Variants in ANKS1B observed in about 807,000 individuals in gnomAD.
ANKS1B encodes ankyrin repeat and sterile alpha motif domain containing 1B.
ANKS1B carries 36 observed loss-of-function variants against 148.3 expected under a neutral mutation model. The observed-to-expected ratio is 0.24, with a 90% CI of 0.19 to 0.32. ANKS1B has a LOEUF of 0.32. ANKS1B is among the 10% of genes least tolerant of loss of function. The pLI is 1.00. For synonymous variants in ANKS1B, 542 were observed against 560.8 expected (o/e 0.97, Z 0.47); for missense variants, 1,157 against 1,542.6 (o/e 0.75, Z 4.19).
Position 99,391,703 on chromosome 12 carries a change from T to C in ANKS1B, c.1756+7928A>G, listed in dbSNP as rs2094077381. Among the ~76,000 whole-genome samples the C allele has an allele frequency of 2.0e-5, 3 of 152,342 alleles. No homozygotes were observed. In the South Asian group the frequency reaches 6.2e-4, roughly 32 times the overall value. ...CTAACATCACCCCATTATCTAACTA[T>C]ATATTTTCATAATTTTAAGTGCTGA... On this transcript the variant is annotated intron_variant, in intron 12 of 26. Coordinates refer to ENST00000683438, the MANE Select transcript of ANKS1B (RefSeq NM_001352186.2).
rs530133978 is a variant in ANKS1B, at chr12:99,934,246, T to C, written c.134+49858A>G. On this transcript the variant is annotated intron_variant, in intron 1 of 26. Transcript: ENST00000683438. Reference sequence around the variant, plus strand: ...CCTGTAGTTTTCTTTTTTTGATGTATCTTTGTCTGGTTTTGGTATCAAGGT... The same window carrying C: ...CCTGTAGTTTTCTTTTTTTGATGTACCTTTGTCTGGTTTTGGTATCAAGGT... 3.9e-5 allele frequency among the ~76,000 whole-genome samples: 6 copies of C among 152,254 alleles called. No homozygotes were observed. The South Asian group carries it at 1.0e-3, about 26-fold the overall frequency.
intron 25 of ANKS1B, among the ~76,000 whole-genome samples, chr12:98,768,510 G>C (rs533564305): frequency 6.6e-6 from 1 of 151,054 alleles, no homozygotes. Flanking sequence ...CGAGGCGGGC[G>C]GATCACAAGG....
chr12:99,355,656 A>G (rs2091907803), intron 12 of ANKS1B, among the ~76,000 whole-genome samples: 1 of 152,154 alleles, frequency 6.6e-6, no homozygotes, highest in Non-Finnish European at 1.5e-5. Flanking sequence ...CCCCCTTATA[A>G]TACCATGTTT....
Position 99,984,416 on chromosome 12 carries a change from G to C in ANKS1B, c.-179C>G. ...GCACGACTCTCTCCTCCTCTTCGGG[G>C]CGCAGCTTTTACAATGGGGATCAGA... On this transcript the variant is annotated 5_prime_UTR_variant, in exon 1 of 27. Coordinates refer to ENST00000683438, the MANE Select transcript of ANKS1B (RefSeq NM_001352186.2). 1.8e-6 allele frequency: 1 copy of C among 550,506 alleles called. No individual in the cohort carries two copies. Among genetic ancestry groups the C allele is most frequent in the East Asian group, 2.9e-5 (1 of 33,906 alleles). 34.1% of individuals were successfully genotyped at this position (550,506 alleles called of 1,614,324 possible). A position where few individuals can be genotyped will look rare whatever the true frequency, so the allele number is the denominator to read the frequency against.
At chr12:99,192,161 C>T (rs1029879684) in intron 14 of ANKS1B, among the ~76,000 whole-genome samples, 4 of 132,372 alleles carry the variant, frequency 3.0e-5, no homozygotes, top group Admixed American at 1.5e-4. Flanking sequence ...AAAAAAGTCA[C>T]ATATTGTGAT....
At chr12:99,657,819 C>T (rs1271770856) in intron 8 of ANKS1B, among the ~76,000 whole-genome samples, 1 of 136,732 alleles carries the variant, frequency 7.3e-6, no homozygotes, top group Non-Finnish European at 1.5e-5. Flanking sequence ...TTAATCCATT[C>T]TTTTCTATTT....
intron 12 of ANKS1B, among the ~76,000 whole-genome samples, chr12:99,381,910 G>C (rs2093657276): frequency 6.6e-6 from 1 of 150,802 alleles, no homozygotes; most frequent in Admixed American, 6.6e-5. Context: ...CATTTTAATT[G>C]TTGTTGTCCA....
At chr12:99,533,394 G>A (rs556856783) in intron 9 of ANKS1B, among the ~76,000 whole-genome samples, 1 of 152,316 alleles carries the variant, frequency 6.6e-6, no homozygotes, top group Non-Finnish European at 1.5e-5. Context: ...TTTGTAATCT[G>A]AGACTTTAGT....
At chr12:99,331,634 C>T (rs1270132407) in intron 12 of ANKS1B, among the ~76,000 whole-genome samples, 3 of 151,864 alleles carry the variant, frequency 2.0e-5, no homozygotes, top group South Asian at 4.2e-4. Flanking sequence ...GGAAATTGGC[C>T]TTTGTAGGGG....
intron 11 of ANKS1B, among the ~76,000 whole-genome samples, chr12:99,441,312 G>A (rs1244513836): frequency 6.6e-6 from 1 of 151,732 alleles, no homozygotes; most frequent in East Asian, 1.9e-4. Context: ...AACACAGCAG[G>A]AGTCTCCTGT....
chr12:99,708,840 C>T (rs1277670120), intron 8 of ANKS1B, among the ~76,000 whole-genome samples: 1 of 152,088 alleles, frequency 6.6e-6, no homozygotes, highest in African/African-American at 2.4e-5. Context: ...GGAATTCCAA[C>T]CTGGATATTT....
intron 19 of ANKS1B, among the ~76,000 whole-genome samples, chr12:98,809,932 A>G (rs920783020): frequency 2.0e-5 from 3 of 152,322 alleles, no homozygotes; most frequent in African/African-American, 7.2e-5. Flanking sequence ...CTTTGTGGCT[A>G]TAAGATACCA....
chr12:99,146,493 T>A (rs2073157614), intron 15 of ANKS1B, among the ~76,000 whole-genome samples: 1 of 152,120 alleles, frequency 6.6e-6, no homozygotes, highest in Non-Finnish European at 1.5e-5. Flanking sequence ...ACAACAGGCT[T>A]CCTTTGCAGC....
intron 16 of ANKS1B, among the ~76,000 whole-genome samples, chr12:99,081,646 C>T (rs183088060): frequency 2.6e-5 from 4 of 152,204 alleles, no homozygotes; most frequent in East Asian, 3.9e-4. Flanking sequence ...GCATCAGCCT[C>T]TCTATAGAAG....
chr12:99,424,578 G>A (rs67982970), intron 11 of ANKS1B, among the ~76,000 whole-genome samples: 27,833 of 151,434 alleles, frequency 0.18, 3,437 homozygotes, highest in East Asian at 0.41. Context: ...TGGATTTTAT[G>A]TGTACTATTT....
intron 12 of ANKS1B, among the ~76,000 whole-genome samples, chr12:99,258,172 A>G (rs2075504424): frequency 6.6e-6 from 1 of 152,180 alleles, no homozygotes; most frequent in Non-Finnish European, 1.5e-5. Flanking sequence ...GTACCCTACT[A>G]CATAGGTAGG....
At chr12:99,743,202 T>G (rs1379563129) in intron 8 of ANKS1B, among the ~76,000 whole-genome samples, 1 of 152,170 alleles carries the variant, frequency 6.6e-6, no homozygotes, top group Non-Finnish European at 1.5e-5. Flanking sequence ...TCTATTATTG[T>G]AAGCCTACAG....
At chr12:98,840,481 G>C (rs956524267) in intron 17 of ANKS1B, among the ~76,000 whole-genome samples, 1 of 152,206 alleles carries the variant, frequency 6.6e-6, no homozygotes, top group African/African-American at 2.4e-5. Context: ...GCAAAGGATA[G>C]TGAGAAAGAG....
chr12:99,914,779 C>G (rs912526219), intron 1 of ANKS1B, among the ~76,000 whole-genome samples: 1 of 152,086 alleles, frequency 6.6e-6, no homozygotes, highest in Non-Finnish European at 1.5e-5. Context: ...TCTGGGCCGG[C>G]AGAATCCACC....
Sources: allele counts gnomAD v4.1 joint callset (sites outside exome capture counted in the v4.1 genomes callset), GRCh38; gene constraint gnomAD v4.1.1; transcripts MANE v1.5; gene names NCBI Gene and HGNC (gene_info 2026-07-23, HGNC 2026-07-21).